The following LRRTM2 variants were observed in gnomAD, a reference collection of about 807,000 sequenced individuals.
The protein encoded by LRRTM2 is leucine-rich repeat transmembrane neuronal protein 2.
A neutral mutation model predicts 40.7 loss-of-function variants in LRRTM2; 14 were observed. That is an observed-to-expected ratio of 0.34 (90% CI 0.23 to 0.54). The LOEUF (loss-of-function observed/expected upper bound fraction) is 0.54. Ranked by LOEUF, LRRTM2 falls within the 20% of genes least tolerant of loss-of-function variation. LRRTM2 has a pLI of 0.92. For synonymous variants in LRRTM2, 223 were observed against 237.6 expected (o/e 0.94, Z 0.57); for missense variants, 468 against 624.4 (o/e 0.75, Z 2.67).
At position 138,874,466 on chromosome 5, in the gene LRRTM2, A is replaced by G; in HGVS notation, c.95T>C (p.Met32Thr). The G allele has an allele frequency of 1.2e-6, 2 of 1,613,512 alleles. No individual in the cohort carries two copies. The highest frequency in any genetic ancestry group is 1.7e-4 in the Middle Eastern group (1 of 6,060). ...GCAGCGGCATTTGGGTGGACACGCCATACCCAGGGCAGGCAGCATTTTTAA... is the reference window on the plus strand; with the variant it reads ...GCAGCGGCATTTGGGTGGACACGCCGTACCCAGGGCAGGCAGCATTTTTAA... Reference protein sequence around the residue: ...MVLKMLPALGMACPPKCRCEK... With the variant: ...MVLKMLPALGTACPPKCRCEK... Residue 32 changes from methionine (M) to threonine (T), a missense_variant, in exon 2 of 2, where the codon ATG becomes ACG. By Grantham distance (81) the Met-to-Thr change is moderately conservative. Coordinates refer to ENST00000274711, the MANE Select transcript of LRRTM2 (RefSeq NM_015564.3). The surrounding 1 kb of genome is among the most constrained non-coding windows in gnomAD (Gnocchi z 4.1).
At position 138,874,652 on chromosome 5, in the gene LRRTM2, CA is replaced by C; in HGVS notation, c.5-97del. 5 of 817,200 alleles carry C rather than the reference CA, an allele frequency of 6.1e-6. No individual in the cohort carries two copies. The South Asian group carries it at 9.4e-5, about 15-fold the overall frequency. The allele number at this position is 817,200 out of a possible 1,614,324, so 50.6% of individuals were successfully genotyped here. On this transcript the variant is annotated intron_variant, in intron 1 of 1. Coordinates refer to ENST00000274711, the MANE Select transcript of LRRTM2 (RefSeq NM_015564.3). The surrounding 1 kb of genome is among the most constrained non-coding windows in gnomAD (Gnocchi z 4.1). ...AAAACAACCACCACCAACATTATAG[CA>C]AAAGATTTCACTGCATATAACTTAT...
rs1351409768 is a variant in LRRTM2 at position 138,871,911 on chromosome 5, A to T, written c.*1099T>A. On this transcript the variant is annotated 3_prime_UTR_variant, in exon 2 of 2. Coordinates refer to ENST00000274711, the MANE Select transcript of LRRTM2 (RefSeq NM_015564.3). ...ATCAGTGTTAAGCCTGTTGCTAGCC[A>T]ATTATTTTTAACTTGGCTCTTTGAG... The T allele has an allele frequency of 6.6e-6, 1 of 152,102 alleles. No individual in the cohort carries two copies. The highest frequency in any genetic ancestry group is 1.5e-5 in the Non-Finnish European group (1 of 68,038). The allele number at this position is 152,102 out of a possible 1,614,324, so 9.4% of individuals were successfully genotyped here.
In LRRTM2 at chr5:138,873,452, A is replaced by G. The variant is rs761931404; in HGVS notation, c.1109T>C (p.Met370Thr). ...CWNLSTTVTVMATTYRDPTTE... is the reference protein window; with the variant it reads ...CWNLSTTVTVTATTYRDPTTE... The stretch of plus-strand genomic sequence containing the variant: ...GGTTGGATCTCTATAAGTTGTAGCC[A>G]TGACAGTGACAGTGGTTGACAAATT... Residue 370 changes from methionine to threonine, a missense_variant, in exon 2 of 2, where the codon ATG becomes ACG. Met to Thr is a moderately conservative substitution (Grantham distance 81). Coordinates refer to ENST00000274711, the MANE Select transcript of LRRTM2 (RefSeq NM_015564.3). The surrounding 1 kb of genome is among the most constrained non-coding windows in gnomAD (Gnocchi z 6.1). 2 of 1,614,038 alleles carry G rather than the reference A, an allele frequency of 1.2e-6. No individual in the cohort carries two copies. The highest frequency in any genetic ancestry group is 2.2e-5 in the East Asian group (1 of 44,886).
rs1447248230 is a variant in LRRTM2, at chr5:138,874,861, C to T, written c.4+47G>A. On this transcript the variant is annotated intron_variant, in intron 1 of 1. Coordinates refer to ENST00000274711, the MANE Select transcript of LRRTM2 (RefSeq NM_015564.3). This position sits in a 1 kb window ranked among gnomAD's most constrained non-coding sequence, Gnocchi z 4.1. ...TGAATTCGGTAGCTTATTTTAAAAG[C>T]GTGATTCCTTGTTGAATGTACAAGA... is the stretch of plus-strand genomic sequence containing the variant. The T allele has an allele frequency of 3.9e-6, 6 of 1,553,634 alleles. No homozygotes were observed. Among genetic ancestry groups the T allele is most frequent in the East Asian group, 4.5e-5 (2 of 44,528 alleles).
chr5:138,874,956 C>G lies in LRRTM2; in HGVS notation c.-45G>C. On this transcript the variant is annotated 5_prime_UTR_variant, in exon 1 of 2. Coordinates refer to ENST00000274711, the MANE Select transcript of LRRTM2 (RefSeq NM_015564.3). This position sits in a 1 kb window ranked among gnomAD's most constrained non-coding sequence, Gnocchi z 4.1. Reference sequence around the variant, plus strand: ...GCTGCATTCAGTCGCGGTTGTTAGACTCAACGCAGTGAGTCTGTAAAAGGC... The same window carrying G: ...GCTGCATTCAGTCGCGGTTGTTAGAGTCAACGCAGTGAGTCTGTAAAAGGC... 6.2e-7 allele frequency: 1 copy of G among 1,611,496 alleles called. No homozygotes were observed. The highest frequency in any genetic ancestry group is 8.5e-7 in the Non-Finnish European group (1 of 1,178,276).
chr5:138,871,120 T>C lies in LRRTM2; in HGVS notation c.*1890A>G, dbSNP rs1007609344. The C allele has an allele frequency of 1.3e-5, 2 of 152,200 alleles. No homozygotes were observed. Among genetic ancestry groups the C allele is most frequent in the Non-Finnish European group, 2.9e-5 (2 of 68,030 alleles). The allele number at this position is 152,200 out of a possible 1,614,324, so 9.4% of individuals were successfully genotyped here. A position where few individuals can be genotyped will look rare whatever the true frequency, so the allele number is the denominator to read the frequency against. On this transcript the variant is annotated 3_prime_UTR_variant, in exon 2 of 2. Coordinates refer to ENST00000274711, the MANE Select transcript of LRRTM2 (RefSeq NM_015564.3). ...AAGAAGAAAAATTGTGATTAAATCT[T>C]ACTGGCTAAACTATAGCCTTAACAT...
chr5:138,873,963 C>T lies in LRRTM2; in HGVS notation c.598G>A (p.Gly200Arg). The T allele has an allele frequency of 1.2e-6, 2 of 1,614,016 alleles. No individual in the cohort carries two copies. Among genetic ancestry groups the T allele is most frequent in the Non-Finnish European group, 1.7e-6 (2 of 1,179,900 alleles). Residue 200 changes from glycine (G) to arginine (R), a missense_variant, in exon 2 of 2, where the codon GGA becomes AGA. Physicochemically the swap from Gly to Arg is moderately radical, Grantham distance 125. Transcript: ENST00000274711. The surrounding 1 kb of genome is among the most constrained non-coding windows in gnomAD (Gnocchi z 6.1). ...TNRLRSLARN[G>R]FAGLIKLREL... is the part of the protein sequence containing the mutation. ...CTCAGTTTAATTAATCCTGCAAATC[C>T]ATTGCGAGCCAAACTTCGCAAACGA...
rs1750556494 is a variant in LRRTM2, at chr5:138,871,165, G to A, written c.*1845C>T. ...TAACATGTTTTCAGTTTGATCCTGG[G>A]AAGAAAAAATATGCCCTGAATGAAG... On this transcript the variant is annotated 3_prime_UTR_variant, in exon 2 of 2. Coordinates refer to ENST00000274711, the MANE Select transcript of LRRTM2 (RefSeq NM_015564.3). 1 of 152,126 alleles carries A rather than the reference G, an allele frequency of 6.6e-6. No homozygotes were observed. The highest frequency in any genetic ancestry group is 6.5e-5 in the Admixed American group (1 of 15,284). 9.4% of individuals were successfully genotyped at this position (152,126 alleles called of 1,614,324 possible).
rs541145867 is a variant in LRRTM2 at position 138,869,623 on chromosome 5, G to C, written c.*3387C>G. The C allele has an allele frequency of 9.2e-5, 14 of 152,504 alleles. No homozygotes were observed. Among genetic ancestry groups the C allele is most frequent in the African/African-American group, 2.9e-4 (12 of 41,546 alleles). The allele number at this position is 152,504 out of a possible 1,614,324, so 9.4% of individuals were successfully genotyped here. On this transcript the variant is annotated 3_prime_UTR_variant, in exon 2 of 2. Coordinates refer to ENST00000274711, the MANE Select transcript of LRRTM2 (RefSeq NM_015564.3). Reference sequence around the variant, plus strand: ...GAAGTGTGCCTTAAGAAAATGAAATGCCTGTTTTGAATTTTAGAATTCAAA... The same window carrying C: ...GAAGTGTGCCTTAAGAAAATGAAATCCCTGTTTTGAATTTTAGAATTCAAA...
chr5:138,870,854 C>T lies in LRRTM2; in HGVS notation c.*2156G>A, dbSNP rs1259359008. On this transcript the variant is annotated 3_prime_UTR_variant, in exon 2 of 2. Transcript: ENST00000274711. ...TCAGCCTGTCTGTGGGGAAGTAGGG[C>T]GCTGTGCTCTATGCTGTTAAATCAG... 3.3e-5 allele frequency: 5 copies of T among 152,078 alleles called. No individual in the cohort carries two copies. The highest frequency in any genetic ancestry group is 1.3e-4 in the Admixed American group (2 of 15,268). The allele number at this position is 152,078 out of a possible 1,614,324, so 9.4% of individuals were successfully genotyped here.
rs989382930 is a variant in LRRTM2 at position 138,869,490 on chromosome 5, A to G, written c.*3520T>C. The G allele has an allele frequency of 2.6e-5, 4 of 152,038 alleles. No homozygotes were observed. The highest frequency in any genetic ancestry group is 7.2e-5 in the African/African-American group (3 of 41,382). 9.4% of individuals were successfully genotyped at this position (152,038 alleles called of 1,614,324 possible). On this transcript the variant is annotated 3_prime_UTR_variant, in exon 2 of 2. Coordinates refer to ENST00000274711, the MANE Select transcript of LRRTM2 (RefSeq NM_015564.3). ...GTATTCCTGTATTAGGAAAACGATCATGTAAGTCAGCTGTTAAAAATATTC... is the reference window on the plus strand; with the variant it reads ...GTATTCCTGTATTAGGAAAACGATCGTGTAAGTCAGCTGTTAAAAATATTC...
At position 138,874,778 on chromosome 5, in the gene LRRTM2, T is replaced by C. The variant is rs534245235; in HGVS notation, c.4+130A>G. The C allele has an allele frequency of 1.0e-4, 94 of 912,170 alleles. No homozygotes were observed. The African/African-American group carries it at 1.4e-3, about 13-fold the overall frequency. 56.5% of individuals were successfully genotyped at this position (912,170 alleles called of 1,614,324 possible). A position where few individuals can be genotyped will look rare whatever the true frequency, so the allele number is the denominator to read the frequency against. On this transcript the variant is annotated intron_variant, in intron 1 of 1. Coordinates refer to ENST00000274711, the MANE Select transcript of LRRTM2 (RefSeq NM_015564.3). This position sits in a 1 kb window ranked among gnomAD's most constrained non-coding sequence, Gnocchi z 4.1. ...AAACATGTCTCTGTCATCATCGATA[T>C]ATGCTTTTACCTAAACCTCAAAATC... is the stretch of plus-strand genomic sequence containing the variant.
rs1750818259 is a variant in LRRTM2, at chr5:138,872,944, T to C, written c.*66A>G. 5 of 1,115,812 alleles carry C rather than the reference T, an allele frequency of 4.5e-6. No homozygotes were observed. Among genetic ancestry groups the C allele is most frequent in the African/African-American group, 3.1e-5 (2 of 63,842 alleles). 69.1% of individuals were successfully genotyped at this position (1,115,812 alleles called of 1,614,324 possible). On this transcript the variant is annotated 3_prime_UTR_variant, in exon 2 of 2. Coordinates refer to ENST00000274711, the MANE Select transcript of LRRTM2 (RefSeq NM_015564.3). ...TGTCACCATTGGTAAAAATTAGATA[T>C]GTATTTAGCCTCTACTATGTAAAAT...
chr5:138,873,663 G>A lies in LRRTM2; in HGVS notation c.898C>T (p.Leu300=). 1.2e-6 allele frequency: 2 copies of A among 1,614,040 alleles called. No homozygotes were observed. Among genetic ancestry groups the A allele is most frequent in the Non-Finnish European group, 1.7e-6 (2 of 1,179,904 alleles). ...NSLDSKILNS[L]RSLTTVGLSG... is the part of the protein sequence containing the mutation. ...AGACCAACGGTTGTGAGGGATCTCA[G>A]GGAGTTTAAGATCTTGGAATCAAGG... The change falls in exon 2 of 2, where the codon CTG becomes TTG. Residue 300 remains leucine (L), a synonymous_variant. Transcript: ENST00000274711. This position sits in a 1 kb window ranked among gnomAD's most constrained non-coding sequence, Gnocchi z 6.1.
Position 138,870,855 on chromosome 5 carries a change from G to A in LRRTM2, c.*2155C>T, listed in dbSNP as rs971430324. ...CAGCCTGTCTGTGGGGAAGTAGGGC[G>A]CTGTGCTCTATGCTGTTAAATCAGC... On this transcript the variant is annotated 3_prime_UTR_variant, in exon 2 of 2. Transcript: ENST00000274711. 24 of 152,196 alleles carry A rather than the reference G, an allele frequency of 1.6e-4. No homozygotes were observed. Among genetic ancestry groups the A allele is most frequent in the Admixed American group, 4.6e-4 (7 of 15,276 alleles). 9.4% of individuals were successfully genotyped at this position (152,196 alleles called of 1,614,324 possible).
rs1259815108 is a variant in LRRTM2 at position 138,869,569 on chromosome 5, TA to T, written c.*3440del. On this transcript the variant is annotated 3_prime_UTR_variant, in exon 2 of 2. Transcript: ENST00000274711. Reference sequence around the variant, plus strand: ...CTTCAGAAAAAGAACAGGACATTTATAGCTTTTTCCCCTGATAGCTGTGTGT... The same window carrying T: ...CTTCAGAAAAAGAACAGGACATTTATGCTTTTTCCCCTGATAGCTGTGTGT... 6.6e-6 allele frequency: 1 copy of T among 152,268 alleles called. No homozygotes were observed. The highest frequency in any genetic ancestry group is 2.4e-5 in the African/African-American group (1 of 41,470). The allele number at this position is 152,268 out of a possible 1,614,324, so 9.4% of individuals were successfully genotyped here.
chr5:138,872,913 G>T lies in LRRTM2; in HGVS notation c.*97C>A. 1.2e-6 allele frequency: 1 copy of T among 858,162 alleles called. No homozygotes were observed. The highest frequency in any genetic ancestry group is 1.7e-6 in the Non-Finnish European group (1 of 576,438). 53.2% of individuals were successfully genotyped at this position (858,162 alleles called of 1,614,324 possible). Reference sequence around the variant, plus strand: ...GTCTCCACTTAGTTTGGAAAATTAGGCTTAATGTCACCATTGGTAAAAATT... The same window carrying T: ...GTCTCCACTTAGTTTGGAAAATTAGTCTTAATGTCACCATTGGTAAAAATT... On this transcript the variant is annotated 3_prime_UTR_variant, in exon 2 of 2. Coordinates refer to ENST00000274711, the MANE Select transcript of LRRTM2 (RefSeq NM_015564.3).
Position 138,874,531 on chromosome 5 carries a change from C to A in LRRTM2, c.30G>T (p.Gly10=). The A allele has an allele frequency of 1.9e-6, 3 of 1,576,630 alleles. No homozygotes were observed. The highest frequency in any genetic ancestry group is 2.6e-6 in the Non-Finnish European group (3 of 1,157,994). The stretch of plus-strand genomic sequence containing the variant: ...CATATATTGCTGCCAGCATAGGGGC[C>A]CCTAATGGCCACTTGAAATGTAAGC... The part of the protein sequence containing the change: MGLHFKWPL[G]APMLAAIYAM... Residue 10 remains glycine (G), a synonymous_variant, in exon 2 of 2, where the codon GGG becomes GGT. Transcript: ENST00000274711. The surrounding 1 kb of genome is among the most constrained non-coding windows in gnomAD (Gnocchi z 4.1).
At position 138,873,955 on chromosome 5, in the gene LRRTM2, T is replaced by C. The variant is rs149114250; in HGVS notation, c.606A>G (p.Ala202=). Residue 202 remains alanine, a synonymous_variant, in exon 2 of 2, where the codon GCA becomes GCG. Transcript: ENST00000274711. This position sits in a 1 kb window ranked among gnomAD's most constrained non-coding sequence, Gnocchi z 6.1. ...GAAGCTCTCTCAGTTTAATTAATCCTGCAAATCCATTGCGAGCCAAACTTC... is the reference window on the plus strand; with the variant it reads ...GAAGCTCTCTCAGTTTAATTAATCCCGCAAATCCATTGCGAGCCAAACTTC... ...RLRSLARNGF[A]GLIKLRELHL... 51 of 1,614,022 alleles carry C rather than the reference T, an allele frequency of 3.2e-5. No individual in the cohort carries two copies. The African/African-American group carries it at 6.3e-4, about 20-fold the overall frequency.
Sources: allele counts gnomAD v4.1 joint callset, GRCh38; gene constraint gnomAD v4.1.1; non-coding constraint Gnocchi (gnomAD v3.1); transcripts MANE v1.5; gene names NCBI Gene and HGNC (gene_info 2026-07-23, HGNC 2026-07-21).